Variants in TMEM131 observed in about 807,000 individuals in gnomAD.
The protein encoded by TMEM131 is 2610524E03Rik.
TMEM131 carries 66 observed loss-of-function variants against 211.6 expected under a neutral mutation model. The observed-to-expected ratio is 0.31, with a 90% confidence interval of 0.26 to 0.38. The LOEUF (loss-of-function observed/expected upper bound fraction) is 0.38, where lower values mean the gene tolerates loss of function less well. Ranked by LOEUF, TMEM131 falls within the 10% of genes least tolerant of loss-of-function variation. The probability of loss-of-function intolerance (pLI) is 1.00; values close to 1 mark genes in which losing one functional copy is unlikely to be tolerated. For synonymous variants in TMEM131, 844 were observed against 841.3 expected, an observed-to-expected ratio of 1.00 and a Z score of -0.06; for missense variants, 2,036 against 2,299.3, an observed-to-expected ratio of 0.89 and a Z score of 2.34.
chr2:97,835,694 A>G (rs1682906895), intron 8 of TMEM131, among the ~76,000 whole-genome samples: 1 of 152,164 alleles, frequency 6.6e-6, no homozygotes, highest in Admixed American at 6.5e-5. Context: ...CCCAAAGTAG[A>G]AAACAGGTGA....
chr2:97,766,892 T>C (rs1679194343), intron 33 of TMEM131, among the ~76,000 whole-genome samples: 1 of 152,160 alleles, frequency 6.6e-6, no homozygotes, highest in Non-Finnish European at 1.5e-5. Context: ...GGAGGATCTA[T>C]CTCAGATAAG....
chr2:97,945,844 C>T (rs1407340499), intron 1 of TMEM131, among the ~76,000 whole-genome samples: 1 of 152,102 alleles, frequency 6.6e-6, no homozygotes, highest in Non-Finnish European at 1.5e-5. Flanking sequence ...CGTTTGAACA[C>T]ATTCACTCTT....
chr2:97,882,332 C>T (rs1674969671), intron 4 of TMEM131, among the ~76,000 whole-genome samples: 2 of 152,156 alleles, frequency 1.3e-5, no homozygotes, highest in Non-Finnish European at 1.5e-5. Context: ...GCATAATATA[C>T]CTTTTCCCAG....
At chr2:97,810,876 A>G (rs1681516293) in intron 18 of TMEM131, among the ~76,000 whole-genome samples, 1 of 152,228 alleles carries the variant, frequency 6.6e-6, no homozygotes, top group South Asian at 2.1e-4. Context: ...GTTTCTAACA[A>G]AGCAATTCTA....
At position 97,809,671 on chromosome 2, in the gene TMEM131, TGTATTAATG is replaced by T. The variant is rs764535693; in HGVS notation, c.2055+8_2055+16del. On this transcript the variant is annotated splice_region_variant and intron_variant, in intron 19 of 40. Transcript: ENST00000186436. ...AAAAAACGAGCAATAGAAAAATGTG[TGTATTAATG>T]GTCTTACTGGAAAGGAAGGTGGAAG... 6.3e-7 allele frequency: 1 copy of T among 1,592,930 alleles called. No homozygotes were observed.
At chr2:97,901,698 A>C (rs902219334) in intron 3 of TMEM131, among the ~76,000 whole-genome samples, 3 of 152,232 alleles carry the variant, frequency 2.0e-5, no homozygotes, top group Non-Finnish European at 4.4e-5. Context: ...CAAATATTGC[A>C]TGTTCTGACT....
intron 1 of TMEM131, among the ~76,000 whole-genome samples, chr2:97,954,806 CAAA>C (rs778680522): frequency 2.7e-5 from 1 of 37,056 alleles, no homozygotes; most frequent in Admixed American, 3.3e-4. Flanking sequence ...AACTCCATCT[CAAA>C]AAAAAAAAAA....
At chr2:97,979,930 G>C (rs1679712265) in intron 1 of TMEM131, among the ~76,000 whole-genome samples, 1 of 152,156 alleles carries the variant, frequency 6.6e-6, no homozygotes, top group African/African-American at 2.4e-5. Context: ...ATTTATAAGG[G>C]AGAGGTGTGA....
At chr2:97,807,371 C>T (rs1356967928) in intron 19 of TMEM131, among the ~76,000 whole-genome samples, 6 of 152,256 alleles carry the variant, frequency 3.9e-5, no homozygotes, top group African/African-American at 1.4e-4. Context: ...TGCGTTCTGA[C>T]CTCGTAGTAA....
At chr2:97,905,145 T>G (rs1676015027) in intron 3 of TMEM131, among the ~76,000 whole-genome samples, 1 of 152,232 alleles carries the variant, frequency 6.6e-6, no homozygotes, top group African/African-American at 2.4e-5. Flanking sequence ...TTCTTAAAAG[T>G]GCCAGTCTAC....
intron 1 of TMEM131, among the ~76,000 whole-genome samples, chr2:97,984,398 T>C (rs72944839): frequency 0.011 from 1,607 of 152,090 alleles, 35 homozygotes; most frequent in African/African-American, 0.037. Context: ...CTCAGTCCAT[T>C]TGAGTTGCTT....
intron 5 of TMEM131, among the ~76,000 whole-genome samples, chr2:97,849,005 T>C (rs887073177): frequency 6.6e-6 from 1 of 152,024 alleles, no homozygotes; most frequent in Non-Finnish European, 1.5e-5. Flanking sequence ...GGCAAAGAAC[T>C]GAACAGACAC....
At chr2:97,767,437 T>G (rs1314369965) in intron 33 of TMEM131, among the ~76,000 whole-genome samples, 1 of 152,138 alleles carries the variant, frequency 6.6e-6, no homozygotes, top group African/African-American at 2.4e-5. Flanking sequence ...AAAGGCATTC[T>G]TTATGAAGCC....
intron 1 of TMEM131, among the ~76,000 whole-genome samples, chr2:97,934,670 A>G (rs1231547236): frequency 2.0e-5 from 3 of 152,186 alleles, no homozygotes; most frequent in Non-Finnish European, 4.4e-5. Flanking sequence ...ATAGACACAT[A>G]AATCACTTGC....
intron 31 of TMEM131, among the ~76,000 whole-genome samples, chr2:97,776,447 CT>C (rs75397865): frequency 0.018 from 2,698 of 152,234 alleles, 118 homozygotes; most frequent in East Asian, 0.15. Context: ...AAAAAGGTTT[CT>C]TTTTTTCTTC....
At chr2:97,956,150 G>A (rs1194445008) in intron 1 of TMEM131, among the ~76,000 whole-genome samples, 2 of 152,186 alleles carry the variant, frequency 1.3e-5, no homozygotes, top group Non-Finnish European at 2.9e-5. Context: ...TTGCCAAAAT[G>A]ACATGCACAG....
Position 97,927,977 on chromosome 2 carries a change from A to T in TMEM131, c.188-490T>A, listed in dbSNP as rs758389957. Among the ~76,000 whole-genome samples, 108 of 152,304 alleles carry T rather than the reference A, an allele frequency of 7.1e-4. 1 individual carries two copies. The highest frequency in any genetic ancestry group is 4.0e-3 in the Admixed American group (61 of 15,302). On this transcript the variant is annotated intron_variant, in intron 1 of 40. Coordinates refer to ENST00000186436, the MANE Select transcript of TMEM131 (RefSeq NM_015348.2). Reference sequence around the variant, plus strand: ...AAGTGGGCAGGGAAAATAGCAAAAGATTATTCTGATCCAAGAAACAGCAAT... The same window carrying T: ...AAGTGGGCAGGGAAAATAGCAAAAGTTTATTCTGATCCAAGAAACAGCAAT...
In TMEM131 at chr2:97,766,522, G is replaced by A. The variant is rs1313773744; in HGVS notation, c.4529C>T (p.Ala1510Val). The change falls in exon 34 of 41, where the codon GCA (alanine) becomes GTA (valine). Residue 1510 changes from alanine (A) to valine (V), a missense_variant. Around this residue, in one of 3 missense-constraint regions of TMEM131, gnomAD observed 1,623 missense variants for 1,805.9 expected, o/e 0.90. Transcript: ENST00000186436. ...NLPSKIPLPT[A>V]MTSGSKSRNA... ...TCGTGATTTGGATCCACTTGTCATT[G>A]CAGTTGGAAGAGGAATCTTGCTTGG... 1 of 1,614,016 alleles carries A rather than the reference G, an allele frequency of 6.2e-7. No homozygotes were observed. Among genetic ancestry groups the A allele is most frequent in the Non-Finnish European group, 8.5e-7 (1 of 1,179,886 alleles).
chr2:97,877,658 G>A (rs1186880405), intron 4 of TMEM131, among the ~76,000 whole-genome samples: 1 of 152,186 alleles, frequency 6.6e-6, no homozygotes, highest in Admixed American at 6.5e-5. Context: ...GCCATATGCA[G>A]AAAACTGAAA....
Sources: gnomAD v4.1 joint callset for allele counts (sites outside exome capture counted in the v4.1 genomes callset) on GRCh38, gnomAD v4.1.1 for gene constraint, gnomAD v4.1.1 regional missense constraint, MANE v1.5 for transcripts, NCBI Gene and HGNC (gene_info 2026-07-23, HGNC 2026-07-21) for gene names.